The following GALNT13 variants were observed in gnomAD, a reference collection of about 807,000 sequenced individuals.
GALNT13 encodes UDP-GalNAc:polypeptide N-acetylgalactosaminyltransferase 13.
GALNT13 carries 28 observed loss-of-function variants against 64.2 expected under a neutral mutation model. The observed-to-expected ratio is 0.44, with a 90% CI of 0.32 to 0.60. The LOEUF (loss-of-function observed/expected upper bound fraction) is 0.60, where lower values mean the gene tolerates loss of function less well. GALNT13 is among the 20% of genes least tolerant of loss of function. The pLI is 0.05. For missense variants in GALNT13, 577 were observed against 669.8 expected, an observed-to-expected ratio of 0.86 and a Z score of 1.53; for synonymous variants, 214 against 224.6, an observed-to-expected ratio of 0.95 and a Z score of 0.42.
intron 3 of GALNT13, among the ~76,000 whole-genome samples, chr2:153,972,671 T>C (rs1191245106): frequency 6.6e-6 from 1 of 152,058 alleles, no homozygotes; most frequent in East Asian, 1.9e-4. Flanking sequence ...GTACCTAATA[T>C]AAAATAGTGT....
chr2:153,937,476 G>A (rs1158285288), intron 2 of GALNT13, among the ~76,000 whole-genome samples: 2 of 152,170 alleles, frequency 1.3e-5, no homozygotes, highest in South Asian at 2.1e-4. Flanking sequence ...TTATGTCTAT[G>A]GATGATGGTA....
At chr2:153,494,056 A>C in the GALNT13 span, among the ~76,000 whole-genome samples, 1 of 151,924 alleles carries the variant, frequency 6.6e-6, no homozygotes, top group Non-Finnish European at 1.5e-5. Flanking sequence ...AACAAATAAC[A>C]TTTAGGAATA....
chr2:153,901,332 A>T (rs1212869771), intron 2 of GALNT13, among the ~76,000 whole-genome samples: 3 of 152,144 alleles, frequency 2.0e-5, no homozygotes, highest in African/African-American at 7.2e-5. Context: ...TATGAATTAT[A>T]AAATAGTTTT....
the GALNT13 span, among the ~76,000 whole-genome samples, chr2:153,341,504 A>ATCT: frequency 6.6e-6 from 1 of 152,238 alleles, no homozygotes; most frequent in Non-Finnish European, 1.5e-5. Flanking sequence ...TCTCCTTCTT[A>ATCT]CAGCATATCA....
At chr2:153,435,208 C>T in the GALNT13 span, among the ~76,000 whole-genome samples, 1 of 152,076 alleles carries the variant, frequency 6.6e-6, no homozygotes, top group African/African-American at 2.4e-5. Context: ...GGTACCAGTA[C>T]CATGCTGTTT....
chr2:153,487,796 G>A, the GALNT13 span, among the ~76,000 whole-genome samples: 3 of 152,158 alleles, frequency 2.0e-5, no homozygotes, highest in African/African-American at 7.2e-5. Context: ...TTGGAGTATT[G>A]ACTATTACAA....
At chr2:153,876,465 T>C (rs1185812538) in intron 1 of GALNT13, among the ~76,000 whole-genome samples, 1 of 152,190 alleles carries the variant, frequency 6.6e-6, no homozygotes, top group Non-Finnish European at 1.5e-5. Flanking sequence ...TTTATGAAAA[T>C]GAATACATTT....
At chr2:153,244,931 G>T in the GALNT13 span, among the ~76,000 whole-genome samples, 1 of 152,352 alleles carries the variant, frequency 6.6e-6, no homozygotes, top group Admixed American at 6.5e-5. Context: ...GGATGATTGA[G>T]CTTGGTGTGG....
the GALNT13 span, among the ~76,000 whole-genome samples, chr2:153,196,827 C>T: frequency 1.3e-5 from 2 of 152,116 alleles, no homozygotes; most frequent in Admixed American, 6.5e-5. Context: ...GAGCATGGCA[C>T]CACCCTGGGC....
chr2:153,879,426 A>G (rs1686625764), intron 1 of GALNT13, among the ~76,000 whole-genome samples: 2 of 151,914 alleles, frequency 1.3e-5, no homozygotes, highest in South Asian at 2.1e-4. Flanking sequence ...TCTGTTACCC[A>G]TGCTGGAGTG....
At chr2:153,114,324 C>T in the GALNT13 span, among the ~76,000 whole-genome samples, 3 of 152,108 alleles carry the variant, frequency 2.0e-5, no homozygotes, top group Admixed American at 6.6e-5. Context: ...TGTTGAACAA[C>T]CAACCCCATG....
chr2:153,855,300 C>T, the GALNT13 span, among the ~76,000 whole-genome samples: 131,853 of 152,076 alleles, frequency 0.87, 58,164 homozygotes, highest in Non-Finnish European at 0.94. Context: ...GAAAATATTC[C>T]TTAAATGGAC....
chr2:153,380,767 T>C, the GALNT13 span, among the ~76,000 whole-genome samples: 1,111 of 152,260 alleles, frequency 7.3e-3, 13 homozygotes, highest in African/African-American at 0.025. Flanking sequence ...ATGTGCAATA[T>C]AAAAATGTAT....
chr2:153,785,070 G>T, the GALNT13 span, among the ~76,000 whole-genome samples: 50,717 of 151,968 alleles, frequency 0.33, 8,827 homozygotes, highest in Non-Finnish European at 0.36. Context: ...GCCAGCAGCA[G>T]TTCCAAACCA....
At chr2:154,066,873 A>G (rs1337777743) in intron 3 of GALNT13, among the ~76,000 whole-genome samples, 1 of 152,166 alleles carries the variant, frequency 6.6e-6, no homozygotes, top group African/African-American at 2.4e-5. Context: ...TCAACAATGT[A>G]TATCTTAAGT....
intron 9 of GALNT13, among the ~76,000 whole-genome samples, chr2:154,302,128 A>G (rs1300588485): frequency 1.3e-5 from 2 of 152,004 alleles, no homozygotes; most frequent in East Asian, 1.9e-4. Flanking sequence ...TTTTCCCTAT[A>G]TTTTTATATA....
chr2:154,450,555 T>C lies in GALNT13; in HGVS notation c.*4T>C, dbSNP rs751719094. 6.3e-7 allele frequency: 1 copy of C among 1,593,098 alleles called. No individual in the cohort carries two copies. Among genetic ancestry groups the C allele is most frequent in the East Asian group, 2.3e-5 (1 of 44,354 alleles). On this transcript the variant is annotated 3_prime_UTR_variant, in exon 13 of 13. Transcript: ENST00000392825. Reference sequence around the variant, plus strand: ...GAACATGACCTTGGGCACATGAAGATCATGTCCTCCAAGCCATGAAAGTGT... The same window carrying C: ...GAACATGACCTTGGGCACATGAAGACCATGTCCTCCAAGCCATGAAAGTGT...
chr2:154,379,571 A>T (rs538209646), intron 9 of GALNT13, among the ~76,000 whole-genome samples: 1 of 152,224 alleles, frequency 6.6e-6, no homozygotes, highest in South Asian at 2.1e-4. Flanking sequence ...AAAGTAAATT[A>T]TCTAGAAACT....
chr2:154,328,978 G>A (rs145960376), intron 9 of GALNT13, among the ~76,000 whole-genome samples: 5 of 152,030 alleles, frequency 3.3e-5, no homozygotes, highest in Middle Eastern at 3.4e-3. Flanking sequence ...TCACAATTTC[G>A]TTCATGTTTT....
Sources: gnomAD v4.1 joint callset for allele counts (sites outside exome capture counted in the v4.1 genomes callset) on GRCh38, gnomAD v4.1.1 for gene constraint, MANE v1.5 for transcripts, NCBI Gene and HGNC (gene_info 2026-07-23, HGNC 2026-07-21) for gene names.